CLSTN2: variants seen among roughly 807,000 people sequenced by gnomAD.
The protein encoded by CLSTN2 is calsyntenin-2.
CLSTN2 carries 48 observed loss-of-function variants against 101.2 expected under a neutral mutation model. The ratio of observed to expected loss-of-function variants is 0.47; its 90% confidence interval spans 0.38 to 0.60. CLSTN2 has a LOEUF of 0.60. Among genes scored for constraint, CLSTN2 ranks in the 20% least tolerant of loss-of-function variants. The pLI is 0.00. For missense variants in CLSTN2, 1,160 were observed against 1,238.2 expected (o/e 0.94, Z 0.95); for synonymous variants, 481 against 463.6 (o/e 1.04, Z -0.48).
At chr3:140,101,868 G>T (rs1345619131) in intron 1 of CLSTN2, among the ~76,000 whole-genome samples, 2 of 152,320 alleles carry the variant, frequency 1.3e-5, no homozygotes, top group East Asian at 1.9e-4. Flanking sequence ...TGCTGCTCAT[G>T]GTCCGCTGGC....
rs113048635 is a variant in CLSTN2 at position 139,991,594 on chromosome 3, C to T, written c.109+56111C>T. Among the ~76,000 whole-genome samples, 331 of 152,278 alleles carry T rather than the reference C, an allele frequency of 2.2e-3. 1 individual carries two copies. Among genetic ancestry groups the T allele is most frequent in the African/African-American group, 7.1e-3 (293 of 41,558 alleles). On this transcript the variant is annotated intron_variant, in intron 1 of 16. Transcript: ENST00000458420. The stretch of plus-strand genomic sequence containing the variant: ...GGCCAGAGTTTCAATAGGCTGCTAC[C>T]GAGTTGCTGAATTTAATTAAATATT...
intron 8 of CLSTN2, among the ~76,000 whole-genome samples, chr3:140,470,325 G>C (rs1382052831): frequency 2.6e-5 from 4 of 152,242 alleles, no homozygotes; most frequent in African/African-American, 9.6e-5. Flanking sequence ...GATAGGCACG[G>C]TGGGCTGGGG....
In CLSTN2 at chr3:140,465,437, C is replaced by A. The variant is rs142699998; in HGVS notation, c.1223-1173C>A. 6.6e-4 allele frequency among the ~76,000 whole-genome samples: 100 copies of A among 152,294 alleles called. 1 individual carries two copies. Among genetic ancestry groups the A allele is most frequent in the African/African-American group, 2.2e-3 (92 of 41,556 alleles). On this transcript the variant is annotated intron_variant, in intron 7 of 16. Transcript: ENST00000458420. ...GCTCATATCACTGGCTTGAACTGAGCCACTTGCCAACCCCTGACAGAAGTT... is the reference window on the plus strand; with the variant it reads ...GCTCATATCACTGGCTTGAACTGAGACACTTGCCAACCCCTGACAGAAGTT...
rs775314898 is a variant in CLSTN2 at position 140,527,553 on chromosome 3, C to T, written c.1345-4771C>T. ...CTTAAAACAGAATTACAATTTGACCCAGCAATCCCATTACTGGATATTCAG... is the reference window on the plus strand; with the variant it reads ...CTTAAAACAGAATTACAATTTGACCTAGCAATCCCATTACTGGATATTCAG... On this transcript the variant is annotated intron_variant, in intron 8 of 16. Transcript: ENST00000458420. Among the ~76,000 whole-genome samples the T allele has an allele frequency of 4.6e-5, 7 of 152,172 alleles. No individual in the cohort carries two copies. The East Asian group carries it at 1.2e-3, about 25-fold the overall frequency.
intron 2 of CLSTN2, among the ~76,000 whole-genome samples, chr3:140,310,275 C>G (rs890330563): frequency 6.6e-6 from 1 of 152,124 alleles, no homozygotes; most frequent in Non-Finnish European, 1.5e-5. Context: ...ATAGGCGCCC[C>G]CACCGCACCC....
intron 1 of CLSTN2, among the ~76,000 whole-genome samples, chr3:140,049,844 G>A (rs909138497): frequency 3.9e-5 from 6 of 152,184 alleles, no homozygotes; most frequent in Admixed American, 2.0e-4. Flanking sequence ...TTAATCAAAA[G>A]CATGGAAGCT....
intron 7 of CLSTN2, among the ~76,000 whole-genome samples, chr3:140,464,600 G>A (rs1933641988): frequency 6.6e-6 from 1 of 152,224 alleles, no homozygotes; most frequent in Non-Finnish European, 1.5e-5. Context: ...CAGGCTAGAA[G>A]CTGCTGTAGT....
At chr3:140,291,706 A>G (rs1471961281) in intron 2 of CLSTN2, among the ~76,000 whole-genome samples, 1 of 150,324 alleles carries the variant, frequency 6.7e-6, no homozygotes, top group Non-Finnish European at 1.5e-5. Context: ...TCTCCACTCT[A>G]CCATCTCAAG....
intron 8 of CLSTN2, among the ~76,000 whole-genome samples, chr3:140,503,996 C>T (rs1934634528): frequency 6.6e-6 from 1 of 152,152 alleles, no homozygotes; most frequent in Non-Finnish European, 1.5e-5. Flanking sequence ...CTCCCCTTAG[C>T]AGATAAAGCC....
intron 2 of CLSTN2, among the ~76,000 whole-genome samples, chr3:140,219,326 G>C (rs2086243541): frequency 6.6e-6 from 1 of 152,042 alleles, no homozygotes; most frequent in Non-Finnish European, 1.5e-5. Flanking sequence ...TTCCCTGAGA[G>C]CAGGCAGGGA....
intron 2 of CLSTN2, among the ~76,000 whole-genome samples, chr3:140,233,703 C>A (rs1348644689): frequency 6.6e-6 from 1 of 152,166 alleles, no homozygotes; most frequent in Admixed American, 6.5e-5. Context: ...ATCTCAGATA[C>A]CCAGTATCCA....
chr3:140,162,188 A>C (rs1403191877), intron 1 of CLSTN2, among the ~76,000 whole-genome samples: 1 of 152,186 alleles, frequency 6.6e-6, no homozygotes, highest in Non-Finnish European at 1.5e-5. Context: ...CTGTAAACAT[A>C]ATTTTGACCT....
chr3:140,459,698 G>A lies in CLSTN2; in HGVS notation c.1151G>A (p.Trp384Ter), dbSNP rs757850412. The change falls in exon 7 of 17, where the codon TGG becomes TAG. Residue 384 changes from tryptophan (W) to a stop codon, truncating the protein, a stop_gained. Coordinates refer to ENST00000458420, the MANE Select transcript of CLSTN2 (RefSeq NM_022131.3). LOFTEE classifies it high-confidence loss of function. ...NLTDQFTITM[W>*]MKHGPSPGVR... ...ACCGATCAGTTCACCATCACCATGT[G>A]GATGAAACACGGCCCCAGCCCTGGT... 6.2e-7 allele frequency: 1 copy of A among 1,614,140 alleles called. No homozygotes were observed. Among genetic ancestry groups the A allele is most frequent in the Non-Finnish European group, 8.5e-7 (1 of 1,180,004 alleles).
chr3:140,032,456 C>T (rs1423736476), intron 1 of CLSTN2, among the ~76,000 whole-genome samples: 1 of 151,970 alleles, frequency 6.6e-6, no homozygotes, highest in Non-Finnish European at 1.5e-5. Context: ...CCTGCCTCAG[C>T]CTCCTCAGTA....
chr3:140,274,523 T>C lies in CLSTN2; in HGVS notation c.232+98450T>C, dbSNP rs144722449. ...GAACAAAAAGGTAGGAAGAGTTATG[T>C]TCACCTGCTCTGAAAATCCTGGATG... On this transcript the variant is annotated intron_variant, in intron 2 of 16. Coordinates refer to ENST00000458420, the MANE Select transcript of CLSTN2 (RefSeq NM_022131.3). Among the ~76,000 whole-genome samples, 143 of 152,346 alleles carry C rather than the reference T, an allele frequency of 9.4e-4. 3 individuals carry two copies. In the East Asian group the frequency reaches 0.024, roughly 26 times the overall value.
At chr3:139,959,618 C>T (rs1182442228) in intron 1 of CLSTN2, among the ~76,000 whole-genome samples, 1 of 151,996 alleles carries the variant, frequency 6.6e-6, no homozygotes, top group African/African-American at 2.4e-5. Context: ...TGGGTGATCA[C>T]CCCTTCTTTC....
At chr3:140,032,984 T>C (rs2007587557) in intron 1 of CLSTN2, among the ~76,000 whole-genome samples, 1 of 152,226 alleles carries the variant, frequency 6.6e-6, no homozygotes, top group Non-Finnish European at 1.5e-5. Flanking sequence ...ACCCATTGAA[T>C]CTGACTATAC....
At chr3:140,047,669 C>A (rs752796971) in intron 1 of CLSTN2, among the ~76,000 whole-genome samples, 1 of 152,198 alleles carries the variant, frequency 6.6e-6, no homozygotes, top group Non-Finnish European at 1.5e-5. Context: ...TGGGGACTCT[C>A]TGTGGAGTCC....
chr3:140,418,569 A>G (rs1276423948), intron 4 of CLSTN2, among the ~76,000 whole-genome samples: 1 of 144,448 alleles, frequency 6.9e-6, no homozygotes, highest in African/African-American at 2.6e-5. Flanking sequence ...CCAGGCTGGA[A>G]TGCAGTGGCA....
Sources: allele counts gnomAD v4.1 joint callset (sites outside exome capture counted in the v4.1 genomes callset), GRCh38; gene constraint gnomAD v4.1.1; transcripts MANE v1.5; gene names NCBI Gene and HGNC (gene_info 2026-07-23, HGNC 2026-07-21).